The following ULK4 variants were observed in gnomAD, a reference collection of about 807,000 sequenced individuals.
ULK4 encodes the protein unc-51 like kinase 4, also known as inactive serine/threonine-protein kinase ULK4.
ULK4 carries 133 observed loss-of-function variants against 160.6 expected under a neutral mutation model. That is an observed-to-expected ratio of 0.83 (90% CI 0.72 to 0.96). ULK4 has a LOEUF of 0.96. ULK4 is among the 40% of genes least tolerant of loss of function. The probability of loss-of-function intolerance (pLI) is 0.00; values close to 1 mark genes in which losing one functional copy is unlikely to be tolerated. For missense variants in ULK4, 1,580 were observed against 1,499.5 expected, an observed-to-expected ratio of 1.05 and a Z score of -0.89; for synonymous variants, 534 against 539.8, an observed-to-expected ratio of 0.99 and a Z score of 0.15.
At chr3:41,784,308 C>T (rs1390656702) in intron 21 of ULK4, among the ~76,000 whole-genome samples, 1 of 152,024 alleles carries the variant, frequency 6.6e-6, no homozygotes, top group Non-Finnish European at 1.5e-5. Context: ...GTGACACATG[C>T]CTGTAATCCC....
intron 30 of ULK4, among the ~76,000 whole-genome samples, chr3:41,637,529 T>C (rs1445058429): frequency 6.6e-6 from 1 of 152,226 alleles, no homozygotes. Context: ...TTTCAGATAG[T>C]GATTTCAATC....
intron 35 of ULK4, among the ~76,000 whole-genome samples, chr3:41,296,372 C>A (rs968050926): frequency 6.6e-6 from 1 of 152,126 alleles, no homozygotes; most frequent in African/African-American, 2.4e-5. Context: ...AAGTAGAAAC[C>A]CTCTGGGGAC....
At chr3:41,773,259 T>G (rs1174268840) in intron 21 of ULK4, among the ~76,000 whole-genome samples, 1 of 152,126 alleles carries the variant, frequency 6.6e-6, no homozygotes, top group Non-Finnish European at 1.5e-5. Flanking sequence ...GGCATTCAAT[T>G]AGGAAAAGAG....
Position 41,721,362 on chromosome 3 carries a change from A to ATATTT in ULK4, c.2322-3502_2322-3501insAAATA, listed in dbSNP as rs1553639902. Among the ~76,000 whole-genome samples, 23 of 27,960 alleles carry ATATTT rather than the reference A, an allele frequency of 8.2e-4. 1 individual carries two copies. The highest frequency in any genetic ancestry group is 2.0e-3 in the Admixed American group (3 of 1,502). 18.3% of individuals were successfully genotyped at this position (27,960 alleles called of 152,430 possible). A position where few individuals can be genotyped will look rare whatever the true frequency, so the allele number is the denominator to read the frequency against. ...TATATATATATATATATATATATAT[A>ATATTT]TTTTTTTTTTTTTTTTTTTGAAACG... On this transcript the variant is annotated intron_variant, in intron 22 of 36. Transcript: ENST00000301831.
chr3:41,429,374 T>C (rs78804073), intron 34 of ULK4, among the ~76,000 whole-genome samples: 13 of 152,296 alleles, frequency 8.5e-5, no homozygotes, highest in African/African-American at 2.9e-4. Flanking sequence ...AGAAATAACA[T>C]TTGACCCAGC....
chr3:41,623,911 TCATAA>T lies in ULK4; in HGVS notation c.3072-8199_3072-8195del, dbSNP rs530458331. Among the ~76,000 whole-genome samples the T allele has an allele frequency of 1.9e-3, 285 of 152,292 alleles. 2 individuals are homozygous for T. The highest frequency in any genetic ancestry group is 6.6e-3 in the African/African-American group (275 of 41,570). ...ACTCACTCCACAAAGTATACACATA[TCATAA>T]CATTACACTCTATGCCACAAATACA... On this transcript the variant is annotated intron_variant, in intron 30 of 36. Transcript: ENST00000301831.
intron 35 of ULK4, among the ~76,000 whole-genome samples, chr3:41,274,216 C>G (rs576588631): frequency 1.3e-5 from 2 of 151,796 alleles, no homozygotes; most frequent in East Asian, 3.9e-4. Flanking sequence ...ATTTTTTTTC[C>G]TCTTCTTTTG....
At chr3:41,355,157 T>C (rs182971852) in intron 35 of ULK4, among the ~76,000 whole-genome samples, 12 of 152,306 alleles carry the variant, frequency 7.9e-5, no homozygotes, top group Non-Finnish European at 1.6e-4. Flanking sequence ...GAAAGATCTC[T>C]AGTGGTAAAA....
chr3:41,507,662 A>T (rs569871640), intron 32 of ULK4, among the ~76,000 whole-genome samples: 2 of 151,620 alleles, frequency 1.3e-5, no homozygotes, highest in South Asian at 4.1e-4. Flanking sequence ...TTTTATCAAC[A>T]AAAGTTACAC....
chr3:41,672,875 C>T (rs2035584579), intron 29 of ULK4, among the ~76,000 whole-genome samples: 1 of 152,084 alleles, frequency 6.6e-6, no homozygotes, highest in Non-Finnish European at 1.5e-5. Flanking sequence ...CTCATTCTGT[C>T]ACCGAGGCTG....
At chr3:41,701,144 C>G (rs969139929) in intron 27 of ULK4, among the ~76,000 whole-genome samples, 1 of 151,920 alleles carries the variant, frequency 6.6e-6, no homozygotes, top group Non-Finnish European at 1.5e-5. Flanking sequence ...GGAGCTAGAA[C>G]AAGAGAAAGA....
At chr3:41,954,088 G>A (rs932315835) in intron 2 of ULK4, among the ~76,000 whole-genome samples, 1 of 149,490 alleles carries the variant, frequency 6.7e-6, no homozygotes, top group African/African-American at 2.5e-5. Flanking sequence ...TGAAGCAGGA[G>A]AATGGCGTGA....
At chr3:41,777,414 C>G (rs1357634564) in intron 21 of ULK4, among the ~76,000 whole-genome samples, 2 of 22,162 alleles carry the variant, frequency 9.0e-5, no homozygotes, top group Non-Finnish European at 1.4e-4. Context: ...TTTTGTGTCT[C>G]TATTTCCTTC....
At chr3:41,542,812 G>T (rs868527220) in intron 32 of ULK4, among the ~76,000 whole-genome samples, 5 of 152,068 alleles carry the variant, frequency 3.3e-5, no homozygotes, top group Admixed American at 6.6e-5. Flanking sequence ...TTGCATAGAG[G>T]TATTTCTAGT....
intron 35 of ULK4, among the ~76,000 whole-genome samples, chr3:41,311,877 CAT>C (rs143621818): frequency 1.2e-4 from 17 of 146,434 alleles, no homozygotes; most frequent in Non-Finnish European, 1.8e-4. Flanking sequence ...AAACTCTCCT[CAT>C]ATATATATAT....
chr3:41,443,732 T>G (rs2125859117), intron 34 of ULK4, among the ~76,000 whole-genome samples: 1 of 145,926 alleles, frequency 6.9e-6, no homozygotes, highest in African/African-American at 2.6e-5. Flanking sequence ...AAAATGAACC[T>G]AATTTTAAAT....
chr3:41,721,276 T>G, intron 22 of ULK4, among the ~76,000 whole-genome samples: 1 of 113,582 alleles, frequency 8.8e-6, no homozygotes, highest in African/African-American at 3.6e-5. Flanking sequence ...TTTTTTTTTT[T>G]TTTTTTTTGG....
intron 35 of ULK4, among the ~76,000 whole-genome samples, chr3:41,344,220 T>C (rs532402318): frequency 6.6e-6 from 1 of 152,270 alleles, no homozygotes; most frequent in African/African-American, 2.4e-5. Context: ...AAACAAGCAG[T>C]GGGGAAAGGA....
At chr3:41,743,378 AG>A (rs2038306101) in intron 22 of ULK4, among the ~76,000 whole-genome samples, 1 of 151,872 alleles carries the variant, frequency 6.6e-6, no homozygotes, top group African/African-American at 2.4e-5. Context: ...AGTAATCTTC[AG>A]GAATAAAGGA....
Sources: gnomAD v4.1 joint callset for allele counts (sites outside exome capture counted in the v4.1 genomes callset) on GRCh38, gnomAD v4.1.1 for gene constraint, MANE v1.5 for transcripts, NCBI Gene and HGNC (gene_info 2026-07-23, HGNC 2026-07-21) for gene names.